RORB: variants seen among roughly 807,000 people sequenced by gnomAD.
RORB encodes RAR related orphan receptor B, also known as nuclear receptor ROR-beta.
In RORB, 6 loss-of-function variants were observed where a neutral mutation model predicts 59.1. The observed-to-expected ratio is 0.10, with a 90% CI of 0.06 to 0.20. The LOEUF (loss-of-function observed/expected upper bound fraction) is 0.20, where lower values mean the gene tolerates loss of function less well. Ranked by LOEUF, RORB falls within the 10% of genes least tolerant of loss-of-function variation. The pLI is 1.00. For synonymous variants in RORB, 215 were observed against 204.5 expected (o/e 1.05, Z -0.44); for missense variants, 320 against 560.5 (o/e 0.57, Z 4.33).
chr9:74,606,763 A>G (rs1823155795), intron 1 of RORB, among the ~76,000 whole-genome samples: 1 of 152,196 alleles, frequency 6.6e-6, no homozygotes, highest in South Asian at 2.1e-4. Context: ...TCTTTCTGAC[A>G]GGATTGTTGG....
intron 1 of RORB, among the ~76,000 whole-genome samples, chr9:74,504,892 A>G (rs546881761): frequency 6.6e-6 from 1 of 152,080 alleles, no homozygotes; most frequent in Non-Finnish European, 1.5e-5. Context: ...TATTTAAAAA[A>G]TTCTCACTCA....
chr9:74,509,604 C>T (rs879507431), intron 1 of RORB, among the ~76,000 whole-genome samples: 3 of 152,016 alleles, frequency 2.0e-5, no homozygotes, highest in Non-Finnish European at 4.4e-5. Context: ...TGTTAAGAGG[C>T]GGGTTCTCTA....
intron 1 of RORB, among the ~76,000 whole-genome samples, chr9:74,552,610 G>A (rs1826629261): frequency 6.6e-6 from 1 of 151,922 alleles, no homozygotes; most frequent in Admixed American, 6.6e-5. Flanking sequence ...TCTATACTGA[G>A]CAAAAGGGCT....
intron 9 of RORB, among the ~76,000 whole-genome samples, chr9:74,677,487 T>C (rs1824462858): frequency 6.6e-6 from 1 of 152,246 alleles, no homozygotes; most frequent in Admixed American, 6.5e-5. Flanking sequence ...ATAAAATTAA[T>C]TGCACCTGTT....
chr9:74,589,843 C>T (rs776838480), intron 1 of RORB, among the ~76,000 whole-genome samples: 4 of 152,204 alleles, frequency 2.6e-5, no homozygotes, highest in Non-Finnish European at 5.9e-5. Context: ...GTTGGGTCTC[C>T]AGTTATACAT....
At chr9:74,622,383 G>T (rs942972826) in intron 1 of RORB, among the ~76,000 whole-genome samples, 3 of 152,140 alleles carry the variant, frequency 2.0e-5, no homozygotes, top group African/African-American at 2.4e-5. Flanking sequence ...AATAAATAAA[G>T]TTCTCTTCAC....
chr9:74,528,404 C>G (rs559642972), intron 1 of RORB, among the ~76,000 whole-genome samples: 2 of 152,044 alleles, frequency 1.3e-5, no homozygotes, highest in East Asian at 3.9e-4. Flanking sequence ...TCAAGTGTCT[C>G]CTAATCTCTC....
rs182456116 is a variant in RORB at position 74,637,691 on chromosome 9, G to T, written c.235+2919G>T. Among the ~76,000 whole-genome samples the T allele has an allele frequency of 6.4e-4, 97 of 152,228 alleles. 1 individual carries two copies. The Middle Eastern group carries it at 0.01, about 16-fold the overall frequency. On this transcript the variant is annotated intron_variant, in intron 3 of 9. Coordinates refer to ENST00000376896, the MANE Select transcript of RORB (RefSeq NM_006914.4). ...TCACTAGTATATGTCCTCCCAAGTGGCATGTCTCTACAAAAAGACAGAAGT... is the reference window on the plus strand; with the variant it reads ...TCACTAGTATATGTCCTCCCAAGTGTCATGTCTCTACAAAAAGACAGAAGT...
At chr9:74,523,693 C>G (rs1361267446) in intron 1 of RORB, among the ~76,000 whole-genome samples, 1 of 151,914 alleles carries the variant, frequency 6.6e-6, no homozygotes, top group Non-Finnish European at 1.5e-5. Context: ...GATGCTTTTT[C>G]CAAACTAGCT....
chr9:74,508,423 CA>C lies in RORB; in HGVS notation c.7+10444del, dbSNP rs201342353. 1.8e-4 allele frequency among the ~76,000 whole-genome samples: 27 copies of C among 151,976 alleles called. No individual in the cohort carries two copies. In the East Asian group the frequency reaches 4.8e-3, roughly 27 times the overall value. On this transcript the variant is annotated intron_variant, in intron 1 of 9. Coordinates refer to ENST00000376896, the MANE Select transcript of RORB (RefSeq NM_006914.4). ...TAAACTGATTTGGAATTTTTTCCAC[CA>C]AAATTGTACTGTATCCTTATGTTCA...
chr9:74,516,884 A>G (rs1826018424), intron 1 of RORB, among the ~76,000 whole-genome samples: 1 of 152,016 alleles, frequency 6.6e-6, no homozygotes, highest in African/African-American at 2.4e-5. Flanking sequence ...TATAAATTGC[A>G]ATGTTTCCTC....
At chr9:74,562,488 G>GT (rs958355548) in intron 1 of RORB, among the ~76,000 whole-genome samples, 22 of 152,102 alleles carry the variant, frequency 1.4e-4, no homozygotes, top group African/African-American at 5.1e-4. Context: ...GAGACCAGAG[G>GT]TGGAGCTCTG....
chr9:74,530,713 A>G (rs916180649), intron 1 of RORB, among the ~76,000 whole-genome samples: 3 of 151,854 alleles, frequency 2.0e-5, no homozygotes, highest in African/African-American at 4.8e-5. Context: ...CCAATGACTA[A>G]TTGAGATTTT....
In RORB at chr9:74,692,924, T is replaced by C. The variant is rs527447061; in HGVS notation, c.*7306T>C. 1 of 152,254 alleles carries C rather than the reference T, an allele frequency of 6.6e-6. No homozygotes were observed. Among genetic ancestry groups the C allele is most frequent in the African/African-American group, 2.4e-5 (1 of 41,548 alleles). 9.4% of individuals were successfully genotyped at this position (152,254 alleles called of 1,614,324 possible). The stretch of plus-strand genomic sequence containing the variant: ...CAGCCTGAGTCATTTAGGAAGTAAG[T>C]ATTGAGTTTTTTTAATCATAAATAT... On this transcript the variant is annotated 3_prime_UTR_variant, in exon 10 of 10. Coordinates refer to ENST00000376896, the MANE Select transcript of RORB (RefSeq NM_006914.4).
At chr9:74,641,577 T>C (rs1823805665) in intron 3 of RORB, among the ~76,000 whole-genome samples, 1 of 152,070 alleles carries the variant, frequency 6.6e-6, no homozygotes, top group Non-Finnish European at 1.5e-5. Flanking sequence ...CCCAGCCCCA[T>C]GCCTTCGGTC....
chr9:74,512,214 G>A (rs965271502), intron 1 of RORB, among the ~76,000 whole-genome samples: 1 of 152,262 alleles, frequency 6.6e-6, no homozygotes, highest in East Asian at 1.9e-4. Context: ...ACTAGCTTGT[G>A]TCTATCCCCT....
intron 8 of RORB, 90 bp downstream of exon 8, chr9:74,667,991 G>A: frequency 1.3e-6 from 1 of 783,782 alleles, no homozygotes; most frequent in East Asian, 2.5e-5. Flanking sequence ...AAGTGTTCAG[G>A]AGAAACTTTA....
chr9:74,587,930 C>T (rs1451372486), intron 1 of RORB, among the ~76,000 whole-genome samples: 1 of 152,162 alleles, frequency 6.6e-6, no homozygotes. Context: ...AATAATCTAC[C>T]AGACTAAACT....
chr9:74,590,039 C>T (rs908225028), intron 1 of RORB, among the ~76,000 whole-genome samples: 7 of 152,204 alleles, frequency 4.6e-5, no homozygotes, highest in Non-Finnish European at 8.8e-5. Flanking sequence ...TCAGTTTTCT[C>T]ATCTGTAACA....
Sources: allele counts gnomAD v4.1 joint callset (sites outside exome capture counted in the v4.1 genomes callset), GRCh38; gene constraint gnomAD v4.1.1; transcripts MANE v1.5; gene names NCBI Gene and HGNC (gene_info 2026-07-23, HGNC 2026-07-21).